ERCC6: variants seen among roughly 807,000 people sequenced by gnomAD.
The protein encoded by ERCC6 is DNA excision repair protein ERCC-6.
ERCC6 carries 116 observed loss-of-function variants against 158.7 expected under a neutral mutation model. That is an observed-to-expected ratio of 0.73 (90% confidence interval 0.63 to 0.85). The LOEUF (loss-of-function observed/expected upper bound fraction) is 0.85. ERCC6 is among the 40% of genes least tolerant of loss of function. The probability of loss-of-function intolerance (pLI) is 0.00; values close to 1 mark genes in which losing one functional copy is unlikely to be tolerated. For synonymous variants in ERCC6, 678 were observed against 659.3 expected (o/e 1.03, Z -0.43); for missense variants, 1,698 against 1,799.4 (o/e 0.94, Z 1.02).
intron 18 of ERCC6, among the ~76,000 whole-genome samples, chr10:49,466,826 G>A (rs1262134203): frequency 4.6e-5 from 7 of 152,192 alleles, no homozygotes; most frequent in East Asian, 1.9e-4. Context: ...TTGCTCTGTC[G>A]CACAGGCAGG....
Position 49,459,116 on chromosome 10 carries a change from C to G in ERCC6, c.4181G>C (p.Arg1394Thr). 2 of 1,614,194 alleles carry G rather than the reference C, an allele frequency of 1.2e-6. No homozygotes were observed. The highest frequency in any genetic ancestry group is 1.7e-6 in the Non-Finnish European group (2 of 1,180,046). Residue 1394 changes from arginine to threonine, a missense_variant, in exon 21 of 21, where the codon AGA (arginine) becomes ACA (threonine). Transcript: ENST00000355832. ...LASSSLLAKM[R>T]ARNHLILPER... The stretch of plus-strand genomic sequence containing the variant: ...TGGCAGAATCAGGTGGTTTCTAGCT[C>G]TCATTTTAGCCAAGAGTGAGGAGGA...
chr10:49,481,624 G>T (rs1030347321), intron 10 of ERCC6, among the ~76,000 whole-genome samples: 8 of 152,126 alleles, frequency 5.3e-5, no homozygotes, highest in African/African-American at 1.7e-4. Context: ...GCTGCAGCCT[G>T]CCATACAGGC....
chr10:49,524,757 C>A lies in ERCC6; in HGVS notation c.673G>T (p.Gly225Cys). The change falls in exon 5 of 21, where the codon GGC becomes TGC. Residue 225 changes from glycine (G) to cysteine (C), a missense_variant. Physicochemically the swap from Gly to Cys is radical, Grantham distance 159. Coordinates refer to ENST00000355832, the MANE Select transcript of ERCC6 (RefSeq NM_000124.4). ...EDAEPGPSSL[G>C]SMLMPVQETA... ...TCCTGGACAGGCATGAGCATGCTGCCAAGACTGGATGGCCCCGGCTCTGAA... is the reference window on the plus strand; with the variant it reads ...TCCTGGACAGGCATGAGCATGCTGCAAAGACTGGATGGCCCCGGCTCTGAA... The A allele has an allele frequency of 6.2e-7, 1 of 1,603,070 alleles. No homozygotes were observed. The highest frequency in any genetic ancestry group is 1.1e-5 in the South Asian group (1 of 91,080).
chr10:49,481,179 AG>A (rs1333169696), intron 10 of ERCC6, among the ~76,000 whole-genome samples: 4 of 152,204 alleles, frequency 2.6e-5, no homozygotes, highest in Non-Finnish European at 5.9e-5. Flanking sequence ...GGTGTGGGAG[AG>A]GGAGGGGAGG....
At chr10:49,504,881 T>G (rs894769761) in intron 6 of ERCC6, 3 of 152,094 alleles carry the variant, frequency 2.0e-5, no homozygotes, top group Non-Finnish European at 2.9e-5. Context: ...AAAACTACTC[T>G]TCACTCTCCC....
chr10:49,467,319 C>T (rs534061087), intron 18 of ERCC6, among the ~76,000 whole-genome samples: 41 of 152,244 alleles, frequency 2.7e-4, no homozygotes, highest in African/African-American at 8.7e-4. Context: ...AGTGATTGTG[C>T]CATTTTACAT....
rs1271133982 is a variant in ERCC6, at chr10:49,455,753, T to C, written c.*3062A>G. ...TAATAGGCAATGTACGGTAGAGATC[T>C]ACAAATGGCCAATAAACATGGAAAT... On this transcript the variant is annotated 3_prime_UTR_variant, in exon 21 of 21. Coordinates refer to ENST00000355832, the MANE Select transcript of ERCC6 (RefSeq NM_000124.4). The C allele has an allele frequency of 3.3e-5, 5 of 152,256 alleles. No individual in the cohort carries two copies. The highest frequency in any genetic ancestry group is 1.2e-4 in the African/African-American group (5 of 41,480). 9.4% of individuals were successfully genotyped at this position (152,256 alleles called of 1,614,324 possible).
rs1192311966 is a variant in ERCC6, at chr10:49,455,248, C to T, written c.*3567G>A. The T allele has an allele frequency of 6.6e-6, 1 of 151,922 alleles. No homozygotes were observed. The highest frequency in any genetic ancestry group is 1.5e-5 in the Non-Finnish European group (1 of 67,986). The allele number at this position is 151,922 out of a possible 1,614,324, so 9.4% of individuals were successfully genotyped here. On this transcript the variant is annotated 3_prime_UTR_variant, in exon 21 of 21. Transcript: ENST00000355832. ...TGAAGAAAGTTATTAAAATTTCATCCAAGAATATAAAAGACTTTAATAAAA... is the reference window on the plus strand; with the variant it reads ...TGAAGAAAGTTATTAAAATTTCATCTAAGAATATAAAAGACTTTAATAAAA...
the ERCC6 span, among the ~76,000 whole-genome samples, chr10:49,443,064 T>C: frequency 2.0e-5 from 3 of 152,278 alleles, no homozygotes; most frequent in African/African-American, 7.2e-5. Context: ...TGTGGCTTGG[T>C]GGGCAGGAAG....
At chr10:49,538,821 A>C (rs1039863188) in intron 1 of ERCC6, 141 bp downstream of exon 1, 2 of 152,288 alleles carry the variant, frequency 1.3e-5, no homozygotes, top group African/African-American at 4.8e-5. Context: ...CTTGGCCCTA[A>C]GACCCGCTAC....
chr10:49,476,191 T>C lies in ERCC6; in HGVS notation c.2382+24A>G, dbSNP rs191416909. On this transcript the variant is annotated intron_variant, in intron 12 of 20. Coordinates refer to ENST00000355832, the MANE Select transcript of ERCC6 (RefSeq NM_000124.4). Reference sequence around the variant, plus strand: ...CTTCTCTTGGTCCACAATTCATTTCTCCAGCTTCTATTTTTTAGCTGACCT... The same window carrying C: ...CTTCTCTTGGTCCACAATTCATTTCCCCAGCTTCTATTTTTTAGCTGACCT... 13 of 1,513,800 alleles carry C rather than the reference T, an allele frequency of 8.6e-6. No individual in the cohort carries two copies. In the Admixed American group the frequency reaches 1.5e-4, roughly 17 times the overall value. 93.8% of individuals were successfully genotyped at this position (1,513,800 alleles called of 1,614,324 possible).
chr10:49,526,117 T>TATATATATATATATATATATATATA (rs1837326508), intron 4 of ERCC6, among the ~76,000 whole-genome samples: 2 of 43,590 alleles, frequency 4.6e-5, no homozygotes, highest in Admixed American at 1.8e-4. Flanking sequence ...TTATATATTT[T>TATATATATATATATATATATATATA]TATATATATA....
In ERCC6 at chr10:49,478,434, C is replaced by T. The variant is rs1850916571; in HGVS notation, c.2206G>A (p.Asp736Asn). Residue 736 changes from aspartate to asparagine, a missense_variant, in exon 11 of 21, where the codon GAT becomes AAT. By Grantham distance (23) the Asp-to-Asn change is conservative (BLOSUM62 1). Transcript: ENST00000355832. ...TAYKCACVLR[D>N]TINPYLLRRM... ...CGCAGTAGGTATGGATTTATGGTAT[C>T]TCGTAAGACACATGCACACTTGTAA... 6.2e-7 allele frequency: 1 copy of T among 1,613,500 alleles called. No homozygotes were observed. The highest frequency in any genetic ancestry group is 1.3e-5 in the African/African-American group (1 of 74,800).
intron 5 of ERCC6, chr10:49,516,419 A>G (rs1836966114): frequency 6.2e-7 from 1 of 1,614,102 alleles, no homozygotes; most frequent in African/African-American, 1.3e-5. Flanking sequence ...TTGCATTGTC[A>G]GCAACATGCA....
chr10:49,523,141 T>TG (rs1294104051), intron 5 of ERCC6, among the ~76,000 whole-genome samples: 1 of 152,202 alleles, frequency 6.6e-6, no homozygotes, highest in African/African-American at 2.4e-5. Flanking sequence ...TGTTGAGGAT[T>TG]GGGAAAAAGC....
rs1837495689 is a variant in ERCC6, at chr10:49,532,617, G to A, written c.348C>T (p.Ala116=). The part of the protein sequence containing the change: ...EQGVLQQVDN[A]IHEASRASQL... ...GGGAGGCACGGCTGGCCTCATGGAT[G>A]GCATTGTCCACCTGCTGAAGCACTC... Residue 116 remains alanine (A), a synonymous_variant, in exon 2 of 21, where the codon GCC becomes GCT. Transcript: ENST00000355832. The A allele has an allele frequency of 1.9e-6, 3 of 1,614,210 alleles. No homozygotes were observed. Among genetic ancestry groups the A allele is most frequent in the African/African-American group, 1.3e-5 (1 of 75,060 alleles).
chr10:49,442,386 A>T, the ERCC6 span, among the ~76,000 whole-genome samples: 1 of 152,198 alleles, frequency 6.6e-6, no homozygotes, highest in Non-Finnish European at 1.5e-5. Context: ...TGAAGAAGAA[A>T]AGGATCAATG....
chr10:49,538,577 T>C (rs117553393), intron 1 of ERCC6, among the ~76,000 whole-genome samples: 12 of 152,332 alleles, frequency 7.9e-5, no homozygotes, highest in Admixed American at 1.3e-4. Flanking sequence ...CTTATCAATT[T>C]GACTCTATCA....
At chr10:49,525,018 C>T (rs1223493902) in intron 4 of ERCC6, 2 of 891,606 alleles carry the variant, frequency 2.2e-6, no homozygotes, top group African/African-American at 3.4e-5. Context: ...AAATATTTCA[C>T]TATAAATATA....
Sources: gnomAD v4.1 joint callset for allele counts (sites outside exome capture counted in the v4.1 genomes callset) on GRCh38, gnomAD v4.1.1 for gene constraint, MANE v1.5 for transcripts, NCBI Gene and HGNC (gene_info 2026-07-23, HGNC 2026-07-21) for gene names.